PATJ: variants seen among roughly 807,000 people sequenced by gnomAD.
PATJ encodes inaD-like protein.
A neutral mutation model predicts 224.9 loss-of-function variants in PATJ; 190 were observed. That is an observed-to-expected ratio of 0.84 (90% confidence interval 0.75 to 0.95). The LOEUF is 0.95. PATJ is among the 40% of genes least tolerant of loss of function. PATJ has a pLI of 0.00. For synonymous variants in PATJ, 769 were observed against 820.3 expected (o/e 0.94, Z 1.07); for missense variants, 2,121 against 2,270.3 (o/e 0.93, Z 1.34).
Position 61,943,483 on chromosome 1 carries a change from G to A in PATJ, c.3670+15654G>A, listed in dbSNP as rs139012347. Among the ~76,000 whole-genome samples the A allele has an allele frequency of 7.8e-3, 1,183 of 151,802 alleles. 23 individuals carry two copies. Among genetic ancestry groups the A allele is most frequent in the African/African-American group, 0.027 (1,114 of 41,482 alleles). On this transcript the variant is annotated intron_variant, in intron 27 of 43. Coordinates refer to ENST00000642238, the MANE Select transcript of PATJ (RefSeq NM_001350145.3). ...CTTGGAGGGTCCCACGCCCACGGTC[G>A]CTGCTAGCACAGCAGTCTGAGATCG... is the stretch of plus-strand genomic sequence containing the variant.
intron 28 of PATJ, among the ~76,000 whole-genome samples, chr1:61,994,670 T>A (rs1188525133): frequency 6.6e-6 from 1 of 152,096 alleles, no homozygotes; most frequent in Non-Finnish European, 1.5e-5. Context: ...TTCTCCTGCC[T>A]CAGCCTCCCA....
At chr1:61,937,028 C>T (rs1019638185) in intron 27 of PATJ, among the ~76,000 whole-genome samples, 1 of 152,100 alleles carries the variant, frequency 6.6e-6, no homozygotes, top group Admixed American at 6.5e-5. Context: ...CTCATAGCTT[C>T]GAGTCGTTTA....
chr1:61,766,925 T>C (rs935700837), intron 4 of PATJ, among the ~76,000 whole-genome samples: 1 of 152,082 alleles, frequency 6.6e-6, no homozygotes, highest in Non-Finnish European at 1.5e-5. Context: ...AAACCCTGTC[T>C]CTACTAAAAA....
chr1:61,781,637 C>A lies in PATJ; in HGVS notation c.850-6117C>A, dbSNP rs184402954. On this transcript the variant is annotated intron_variant, in intron 7 of 43. Transcript: ENST00000642238. Reference sequence around the variant, plus strand: ...ATAGTGTGTGAGCTTTAGAATCAGACAGATGAAGGCTTGAATTCTGGATCC... The same window carrying A: ...ATAGTGTGTGAGCTTTAGAATCAGAAAGATGAAGGCTTGAATTCTGGATCC... Among the ~76,000 whole-genome samples the A allele has an allele frequency of 2.6e-5, 4 of 152,312 alleles. No individual in the cohort carries two copies. In the East Asian group the frequency reaches 7.7e-4, roughly 29 times the overall value.
chr1:62,000,188 C>G (rs1199934541), intron 28 of PATJ, among the ~76,000 whole-genome samples: 2 of 142,228 alleles, frequency 1.4e-5, no homozygotes. Flanking sequence ...CGTGCCCAGC[C>G]TAGAGTTTTT....
intron 27 of PATJ, among the ~76,000 whole-genome samples, chr1:61,970,577 CA>C (rs1371364990): frequency 6.6e-6 from 1 of 152,186 alleles, no homozygotes; most frequent in Non-Finnish European, 1.5e-5. Context: ...ACTGCAGCCT[CA>C]AATGCCTGGG....
At chr1:61,835,342 G>T (rs188624014) in intron 17 of PATJ, among the ~76,000 whole-genome samples, 129 of 151,938 alleles carry the variant, frequency 8.5e-4, no homozygotes, top group African/African-American at 2.9e-3. Flanking sequence ...ATAAATATTT[G>T]CAGAATGATT....
chr1:61,876,227 C>G (rs768168315), intron 21 of PATJ, among the ~76,000 whole-genome samples: 4 of 151,974 alleles, frequency 2.6e-5, no homozygotes, highest in Non-Finnish European at 5.9e-5. Context: ...TGATAACATA[C>G]AGTTTCCTGT....
intron 27 of PATJ, among the ~76,000 whole-genome samples, chr1:61,944,820 C>T (rs1678405847): frequency 6.6e-6 from 1 of 152,106 alleles, no homozygotes. Context: ...TAAGGGCAGC[C>T]AGAGAGAAAG....
At chr1:62,139,167 G>A (rs558576515) in intron 41 of PATJ, among the ~76,000 whole-genome samples, 4 of 152,092 alleles carry the variant, frequency 2.6e-5, no homozygotes, top group South Asian at 2.1e-4. Flanking sequence ...TTGAGAGGCC[G>A]AGGCAGGCGG....
At chr1:62,032,714 G>A (rs901549365) in intron 29 of PATJ, among the ~76,000 whole-genome samples, 1 of 152,028 alleles carries the variant, frequency 6.6e-6, no homozygotes, top group African/African-American at 2.4e-5. Flanking sequence ...GCATGCTTTT[G>A]GAGAAAAACT....
At chr1:62,132,786 C>A (rs981035603) in intron 41 of PATJ, among the ~76,000 whole-genome samples, 1 of 151,824 alleles carries the variant, frequency 6.6e-6, no homozygotes, top group Admixed American at 6.6e-5. Flanking sequence ...CACTTGTAGT[C>A]CCAGCTACTG....
chr1:61,745,670 C>T (rs1301311045), intron 1 of PATJ, among the ~76,000 whole-genome samples: 1 of 151,978 alleles, frequency 6.6e-6, no homozygotes, highest in African/African-American at 2.4e-5. Flanking sequence ...ATGGCGCTGT[C>T]TTGGCTCACT....
chr1:61,940,614 G>C (rs1677672073), intron 27 of PATJ, among the ~76,000 whole-genome samples: 1 of 151,678 alleles, frequency 6.6e-6, no homozygotes, highest in Middle Eastern at 3.2e-3. Flanking sequence ...TACTCGGGAG[G>C]CTGAGGCTGG....
intron 17 of PATJ, among the ~76,000 whole-genome samples, chr1:61,846,514 G>C (rs937710724): frequency 4.6e-5 from 7 of 151,994 alleles, no homozygotes; most frequent in Admixed American, 4.6e-4. Flanking sequence ...AAATTGTAAG[G>C]TACACTTAAC....
In PATJ at chr1:62,052,984, A is replaced by G. The variant is rs146842490; in HGVS notation, c.4125+1926A>G. On this transcript the variant is annotated intron_variant, in intron 31 of 43. Coordinates refer to ENST00000642238, the MANE Select transcript of PATJ (RefSeq NM_001350145.3). ...TAGGTAGGCATCCCCAATTTCATCC[A>G]CAGAGGAAATGGTAAAAAGAGTGAG... Among the ~76,000 whole-genome samples, 17 of 152,308 alleles carry G rather than the reference A, an allele frequency of 1.1e-4. No homozygotes were observed. In the East Asian group the frequency reaches 3.3e-3, roughly 29 times the overall value.
intron 22 of PATJ, among the ~76,000 whole-genome samples, chr1:61,895,537 G>C (rs919184518): frequency 6.6e-6 from 1 of 152,242 alleles, no homozygotes; most frequent in Non-Finnish European, 1.5e-5. Context: ...CAAGCCCCAA[G>C]CCTTGGTGGC....
chr1:61,842,725 C>T (rs1380224004), intron 17 of PATJ, among the ~76,000 whole-genome samples: 1 of 146,210 alleles, frequency 6.8e-6, no homozygotes, highest in African/African-American at 2.5e-5. Flanking sequence ...CCTGGCTATG[C>T]ATCTGTCCCT....
chr1:61,947,171 CCTCT>C (rs1313198227), intron 27 of PATJ, among the ~76,000 whole-genome samples: 2 of 152,084 alleles, frequency 1.3e-5, no homozygotes, highest in African/African-American at 4.8e-5. Context: ...ACAGGGATGC[CCTCT>C]CTCACCACTC....
Sources: gnomAD v4.1 joint callset for allele counts (sites outside exome capture counted in the v4.1 genomes callset) on GRCh38, gnomAD v4.1.1 for gene constraint, MANE v1.5 for transcripts, NCBI Gene and HGNC (gene_info 2026-07-23, HGNC 2026-07-21) for gene names.